VPS8: variants seen among roughly 807,000 people sequenced by gnomAD.
VPS8 encodes vacuolar protein sorting-associated protein 8 homolog.
Under a neutral mutation model 216.4 loss-of-function variants are expected in VPS8, and 129 were observed. The ratio of observed to expected loss-of-function variants is 0.60; its 90% CI spans 0.52 to 0.69. The LOEUF is 0.69. Among genes scored for constraint, VPS8 ranks in the 30% least tolerant of loss-of-function variants. The pLI is 0.00. For synonymous variants in VPS8, 571 were observed against 565.4 expected (o/e 1.01, Z -0.14); for missense variants, 1,531 against 1,683.5 (o/e 0.91, Z 1.59).
chr3:184,849,230 T>C lies in VPS8; in HGVS notation c.666+35T>C, dbSNP rs759319106. On this transcript the variant is annotated intron_variant, in intron 9 of 47. Transcript: ENST00000625842. Reference sequence around the variant, plus strand: ...GAACCTCCTTTAATTCATAAGACAATGTTAAAACAAGATGAATTTACAAAA... The same window carrying C: ...GAACCTCCTTTAATTCATAAGACAACGTTAAAACAAGATGAATTTACAAAA... 15 of 1,590,770 alleles carry C rather than the reference T, an allele frequency of 9.4e-6. No homozygotes were observed. In the South Asian group the frequency reaches 1.6e-4, roughly 17 times the overall value.
intron 45 of VPS8, among the ~76,000 whole-genome samples, chr3:185,001,968 G>A (rs1246113607): frequency 2.6e-5 from 4 of 152,066 alleles, no homozygotes; most frequent in Non-Finnish European, 2.9e-5. Flanking sequence ...AGACATGAGG[G>A]ATCATGGAAG....
intron 42 of VPS8, among the ~76,000 whole-genome samples, chr3:184,985,025 G>C (rs1203748984): frequency 6.6e-6 from 1 of 151,978 alleles, no homozygotes; most frequent in Admixed American, 6.6e-5. Context: ...TATTTTCAAT[G>C]GTTGTTAACT....
At chr3:184,972,394 C>G (rs1458040737) in intron 40 of VPS8, among the ~76,000 whole-genome samples, 3 of 152,144 alleles carry the variant, frequency 2.0e-5, no homozygotes, top group South Asian at 2.1e-4. Context: ...TCTCTATTCC[C>G]TGTGGTGAAA....
intron 8 of VPS8, among the ~76,000 whole-genome samples, chr3:184,847,900 G>C (rs2108638047): frequency 6.6e-6 from 1 of 152,080 alleles, no homozygotes; most frequent in African/African-American, 2.4e-5. Context: ...CTTGCTTTTA[G>C]CATATTTTGT....
chr3:184,868,861 C>T (rs1727835842), intron 18 of VPS8, 85 bp from the exon 19 acceptor site: 9 of 1,221,908 alleles, frequency 7.4e-6, no homozygotes, highest in Non-Finnish European at 1.2e-6. Context: ...GCAGCAACTT[C>T]TGGAAGGATT....
At chr3:184,913,851 A>G (rs989727164) in intron 26 of VPS8, among the ~76,000 whole-genome samples, 9 of 152,242 alleles carry the variant, frequency 5.9e-5, no homozygotes, top group African/African-American at 2.2e-4. Context: ...TGCACAGAAT[A>G]GCACAACAAA....
intron 45 of VPS8, among the ~76,000 whole-genome samples, chr3:185,013,231 G>A (rs904670588): frequency 3.9e-5 from 6 of 152,098 alleles, no homozygotes; most frequent in Non-Finnish European, 4.4e-5. Context: ...CAGAGATTTC[G>A]TTTATGGCCA....
chr3:184,905,620 T>C (rs1170336038), intron 25 of VPS8, among the ~76,000 whole-genome samples: 3 of 23,318 alleles, frequency 1.3e-4, no homozygotes, highest in Non-Finnish European at 1.9e-4. Context: ...GCTCAGCTCT[T>C]TTTTTTTTTT....
At chr3:184,914,335 G>C (rs752481900) in intron 26 of VPS8, among the ~76,000 whole-genome samples, 3 of 152,100 alleles carry the variant, frequency 2.0e-5, no homozygotes, top group Non-Finnish European at 2.9e-5. Flanking sequence ...GAAAATTGTA[G>C]TTTAAAAAGC....
At chr3:184,934,156 T>TTTTTG (rs570277678) in intron 34 of VPS8, among the ~76,000 whole-genome samples, 11 of 152,054 alleles carry the variant, frequency 7.2e-5, no homozygotes, top group Non-Finnish European at 1.3e-4. Context: ...CCATCCTTTG[T>TTTTTG]TTTTGTTTTG....
intron 42 of VPS8, among the ~76,000 whole-genome samples, chr3:184,984,139 G>A (rs867952079): frequency 1.0e-4 from 10 of 99,764 alleles, no homozygotes; most frequent in South Asian, 7.4e-4. Context: ...AGCCGAGATC[G>A]AGCCACTGCA....
At chr3:184,873,434 TACAG>T (rs1441311481) in intron 21 of VPS8, among the ~76,000 whole-genome samples, 5 of 152,178 alleles carry the variant, frequency 3.3e-5, no homozygotes, top group African/African-American at 1.2e-4. Context: ...CAGACACTGT[TACAG>T]ACCCTTTATG....
intron 7 of VPS8, chr3:184,840,103 A>T (rs1054471714): frequency 1.1e-5 from 2 of 177,262 alleles, no homozygotes; most frequent in African/African-American, 4.8e-5. Flanking sequence ...CCTTCCAGTA[A>T]TGGGTATTCT....
At chr3:185,017,081 T>G (rs1755905896) in intron 45 of VPS8, among the ~76,000 whole-genome samples, 1 of 152,118 alleles carries the variant, frequency 6.6e-6, no homozygotes. Context: ...ATAATTGTTC[T>G]GGAATTAGAA....
chr3:184,964,633 T>C lies in VPS8; in HGVS notation c.3273+76T>C, dbSNP rs1014678278. The C allele has an allele frequency of 1.6e-5, 15 of 965,760 alleles. No homozygotes were observed. In the East Asian group the frequency reaches 2.1e-4, roughly 14 times the overall value. The allele number at this position is 965,760 out of a possible 1,614,324, so 59.8% of individuals were successfully genotyped here. On this transcript the variant is annotated intron_variant, in intron 38 of 47. Coordinates refer to ENST00000625842, the MANE Select transcript of VPS8 (RefSeq NM_001009921.3). Reference sequence around the variant, plus strand: ...CATTCATGAATCCATCTTAATTATGTTTCAAAGCCAGTTGCAGACCGTAAT... The same window carrying C: ...CATTCATGAATCCATCTTAATTATGCTTCAAAGCCAGTTGCAGACCGTAAT...
Position 184,982,633 on chromosome 3 carries a change from A to C in VPS8, c.3488A>C (p.His1163Pro). 6.2e-7 allele frequency: 1 copy of C among 1,612,836 alleles called. No individual in the cohort carries two copies. ...AAGCTGTCCAGTTCAGCCATTCCTCATCTACACTCTGAAGGTAAGTTCTTC... is the reference window on the plus strand; with the variant it reads ...AAGCTGTCCAGTTCAGCCATTCCTCCTCTACACTCTGAAGGTAAGTTCTTC... ...PQKLSSSAIP[H>P]LHSEALKSLT... Residue 1163 changes from histidine (H) to proline (P), a missense_variant, in exon 41 of 48, where the codon CAT becomes CCT. His to Pro is a moderately conservative substitution (Grantham distance 77). This residue lies in a region of VPS8 where 1,318 missense variants were observed against 1,468.4 expected (regional missense o/e 0.90). Coordinates refer to ENST00000625842, the MANE Select transcript of VPS8 (RefSeq NM_001009921.3).
intron 45 of VPS8, among the ~76,000 whole-genome samples, chr3:185,013,461 G>A (rs1755335127): frequency 6.6e-6 from 1 of 152,180 alleles, no homozygotes; most frequent in African/African-American, 2.4e-5. Flanking sequence ...CCATTTTAAT[G>A]GGTTACTAGC....
intron 36 of VPS8, chr3:184,944,490 A>T (rs1342146929): frequency 3.0e-6 from 3 of 985,272 alleles, no homozygotes; most frequent in Non-Finnish European, 1.2e-6. Context: ...GCTTACACCC[A>T]GCTGCAGGTT....
chr3:185,000,337 G>T (rs937237441), intron 45 of VPS8, among the ~76,000 whole-genome samples: 1 of 152,144 alleles, frequency 6.6e-6, no homozygotes, highest in African/African-American at 2.4e-5. Flanking sequence ...GTATTTTACA[G>T]CCTTTTTTTA....
Sources: allele counts gnomAD v4.1 joint callset (sites outside exome capture counted in the v4.1 genomes callset), GRCh38; gene constraint gnomAD v4.1.1; regional missense constraint gnomAD v4.1.1; transcripts MANE v1.5; gene names NCBI Gene and HGNC (gene_info 2026-07-23, HGNC 2026-07-21).